Variants in FOCAD observed in about 807,000 individuals in gnomAD.
The protein encoded by FOCAD is focadhesin.
In FOCAD, 198 loss-of-function variants were observed where a neutral mutation model predicts 225.6. The ratio of observed to expected loss-of-function variants is 0.88; its 90% CI spans 0.78 to 0.99. The LOEUF (loss-of-function observed/expected upper bound fraction) is 0.99, where lower values mean the gene tolerates loss of function less well. Ranked by LOEUF, FOCAD falls within the 50% of genes least tolerant of loss-of-function variation. The pLI is 0.00. For synonymous variants in FOCAD, 897 were observed against 755.0 expected, an observed-to-expected ratio of 1.19 and a Z score of -3.08; for missense variants, 2,713 against 2,123.6, an observed-to-expected ratio of 1.28 and a Z score of -5.46.
chr9:20,681,184 C>T (rs200553567), upstream of FOCAD, among the ~76,000 whole-genome samples: 3 of 152,340 alleles, frequency 2.0e-5, no homozygotes, highest in East Asian at 5.8e-4. Context: ...TGAGTTCCAA[C>T]ATAAGACTTT....
chr9:20,885,079 AAAAT>A, intron 20 of FOCAD, 26 bp from the exon 21 acceptor site: 1 of 1,262,032 alleles, frequency 7.9e-7, no homozygotes, highest in Non-Finnish European at 1.0e-6. Context: ...AAATAAAAAT[AAAAT>A]AAAGTCTATA....
At chr9:20,799,003 G>A (rs151014354) in intron 11 of FOCAD, among the ~76,000 whole-genome samples, 1 of 151,966 alleles carries the variant, frequency 6.6e-6, no homozygotes, top group Non-Finnish European at 1.5e-5. Flanking sequence ...AAATTTCCCT[G>A]TACACACTGC....
intron 28 of FOCAD, among the ~76,000 whole-genome samples, chr9:20,939,745 T>G (rs1756449757): frequency 6.6e-6 from 1 of 151,294 alleles, no homozygotes; most frequent in Admixed American, 6.6e-5. Flanking sequence ...TTATTTTATT[T>G]TTTTTCTTTC....
rs139131739 is a variant in FOCAD, at chr9:20,893,239, A to G, written c.2625+8009A>G. Among the ~76,000 whole-genome samples the G allele has an allele frequency of 2.8e-4, 42 of 152,216 alleles. 1 individual carries two copies. In the East Asian group the frequency reaches 5.6e-3, roughly 20 times the overall value. On this transcript the variant is annotated intron_variant, in intron 21 of 43. Transcript: ENST00000338382. ...GGTATGTACATTGTTTTTTTTAAAT[A>G]CATAATGCTGTTACATAATAGATTA...
upstream of FOCAD, among the ~76,000 whole-genome samples, chr9:20,680,148 A>C (rs753460425): frequency 6.6e-6 from 1 of 152,230 alleles, no homozygotes; most frequent in Non-Finnish European, 1.5e-5. Context: ...TAAGCTATTT[A>C]GTTAACGTGA....
intron 1 of FOCAD, among the ~76,000 whole-genome samples, chr9:20,689,561 TCTATTAGGC>T (rs1184896286): frequency 6.6e-6 from 1 of 152,086 alleles, no homozygotes; most frequent in Non-Finnish European, 1.5e-5. Flanking sequence ...GAGTTTAATT[TCTATTAGGC>T]CTAGGAGGTA....
At chr9:20,770,553 A>G (rs1309024890) in intron 8 of FOCAD, among the ~76,000 whole-genome samples, 1 of 152,226 alleles carries the variant, frequency 6.6e-6, no homozygotes, top group East Asian at 1.9e-4. Flanking sequence ...GTGCTAAACC[A>G]TTCATGAGGA....
At chr9:20,925,558 C>T (rs902366581) in intron 25 of FOCAD, among the ~76,000 whole-genome samples, 1 of 152,174 alleles carries the variant, frequency 6.6e-6, no homozygotes, top group South Asian at 2.1e-4. Flanking sequence ...ATTATTCAAA[C>T]CTGCATGTGA....
Position 20,911,381 on chromosome 9 carries a change from T to C in FOCAD, c.2719-1485T>C, listed in dbSNP as rs546760139. Among the ~76,000 whole-genome samples the C allele has an allele frequency of 3.9e-5, 6 of 152,220 alleles. No homozygotes were observed. The South Asian group carries it at 1.0e-3, about 26-fold the overall frequency. ...TACACAAACTCTGTAGATCGATAAATAGTCCTTGACCTCACAGGGTGAGCA... is the reference window on the plus strand; with the variant it reads ...TACACAAACTCTGTAGATCGATAAACAGTCCTTGACCTCACAGGGTGAGCA... On this transcript the variant is annotated intron_variant, in intron 22 of 43. Coordinates refer to ENST00000338382, the MANE Select transcript of FOCAD (RefSeq NM_001375567.1).
At chr9:20,973,490 C>T (rs1164265114) in intron 35 of FOCAD, among the ~76,000 whole-genome samples, 1 of 147,608 alleles carries the variant, frequency 6.8e-6, no homozygotes, top group Non-Finnish European at 1.5e-5. Context: ...CTGCTGTTTT[C>T]ACTTTTGCTG....
At chr9:20,878,478 C>T (rs576191260) in intron 19 of FOCAD, among the ~76,000 whole-genome samples, 2 of 152,256 alleles carry the variant, frequency 1.3e-5, no homozygotes, top group East Asian at 1.9e-4. Flanking sequence ...AATTAACTTT[C>T]GAACTTCTTT....
chr9:20,935,517 C>T (rs1437427986), intron 28 of FOCAD, among the ~76,000 whole-genome samples: 2 of 152,200 alleles, frequency 1.3e-5, no homozygotes, highest in African/African-American at 2.4e-5. Context: ...TCTCCTGCCT[C>T]AGCCTCCCAA....
At chr9:20,984,868 T>G (rs528333161) in intron 39 of FOCAD, among the ~76,000 whole-genome samples, 1 of 152,226 alleles carries the variant, frequency 6.6e-6, no homozygotes, top group Non-Finnish European at 1.5e-5. Flanking sequence ...TGGCATGATC[T>G]CAACTCACTG....
At chr9:20,856,688 C>G (rs1322487976) in intron 15 of FOCAD, among the ~76,000 whole-genome samples, 2 of 151,814 alleles carry the variant, frequency 1.3e-5, no homozygotes, top group African/African-American at 4.8e-5. Context: ...TAGAATGTTT[C>G]CCCAATGTTT....
chr9:20,962,417 C>CACACACATACAT (rs142051827), intron 35 of FOCAD, among the ~76,000 whole-genome samples: 12 of 149,196 alleles, frequency 8.0e-5, no homozygotes, highest in South Asian at 2.1e-4. Flanking sequence ...TATACACACA[C>CACACACATACAT]ACATACATAC....
At position 20,720,754 on chromosome 9, in the gene FOCAD, T is replaced by C. The variant is rs550030723; in HGVS notation, c.287+220T>C. Among the ~76,000 whole-genome samples the C allele has an allele frequency of 2.0e-5, 3 of 152,354 alleles. 1 individual carries two copies. In the South Asian group the frequency reaches 6.2e-4, roughly 32 times the overall value. ...TTGCGGTACTTAAGTTTTGGGGCTC[T>C]ACTTAAATTTGTCGTTGCCCTTTTT... is the stretch of plus-strand genomic sequence containing the variant. On this transcript the variant is annotated intron_variant, in intron 4 of 43. Transcript: ENST00000338382.
At chr9:20,798,927 T>C (rs996655227) in intron 11 of FOCAD, among the ~76,000 whole-genome samples, 2 of 152,216 alleles carry the variant, frequency 1.3e-5, no homozygotes, top group African/African-American at 4.8e-5. Flanking sequence ...CTAGTTCTTT[T>C]AATTGTGATA....
At chr9:20,816,857 A>T (rs1416271167) in intron 11 of FOCAD, among the ~76,000 whole-genome samples, 2 of 152,198 alleles carry the variant, frequency 1.3e-5, no homozygotes, top group Non-Finnish European at 2.9e-5. Context: ...ACAACTATTT[A>T]CATAGCATTT....
intron 11 of FOCAD, among the ~76,000 whole-genome samples, chr9:20,789,848 A>G (rs929348984): frequency 6.6e-6 from 1 of 152,042 alleles, no homozygotes; most frequent in Non-Finnish European, 1.5e-5. Context: ...AAATCTGCAC[A>G]TGGTGCTATT....
Sources: allele counts gnomAD v4.1 joint callset (sites outside exome capture counted in the v4.1 genomes callset), GRCh38; gene constraint gnomAD v4.1.1; transcripts MANE v1.5; gene names NCBI Gene and HGNC (gene_info 2026-07-23, HGNC 2026-07-21).